The following ST18 variants were observed in gnomAD, a reference collection of about 807,000 sequenced individuals.
The protein encoded by ST18 is ST18 C2H2C-type zinc finger transcription factor.
In ST18, 50 loss-of-function variants were observed where a neutral mutation model predicts 110.0. The observed-to-expected ratio is 0.45, with a 90% CI of 0.36 to 0.58. ST18 has a LOEUF of 0.58. Ranked by LOEUF, ST18 falls within the 20% of genes least tolerant of loss-of-function variation. The pLI is 0.00. For missense variants in ST18, 1,306 were observed against 1,280.1 expected, an observed-to-expected ratio of 1.02 and a Z score of -0.31; for synonymous variants, 461 against 452.4, an observed-to-expected ratio of 1.02 and a Z score of -0.24.
chr8:52,175,282 A>C (rs1003406414), intron 9 of ST18, among the ~76,000 whole-genome samples: 3 of 152,154 alleles, frequency 2.0e-5, no homozygotes, highest in Non-Finnish European at 4.4e-5. Flanking sequence ...GATTCTATGC[A>C]ACCTTTATCA....
intron 16 of ST18, among the ~76,000 whole-genome samples, chr8:52,146,654 G>A (rs1005627501): frequency 7.2e-5 from 11 of 152,060 alleles, no homozygotes; most frequent in South Asian, 4.2e-4. Context: ...TTTATTGCAC[G>A]TGGTATCCCT....
intron 19 of ST18, among the ~76,000 whole-genome samples, chr8:52,136,131 A>C (rs533906068): frequency 5.3e-5 from 8 of 152,332 alleles, no homozygotes; most frequent in Non-Finnish European, 8.8e-5. Context: ...TGACTTTGAG[A>C]TCTTGTAGGT....
chr8:52,324,690 A>AT (rs1805505644), intron 2 of ST18, among the ~76,000 whole-genome samples: 2 of 152,214 alleles, frequency 1.3e-5, no homozygotes, highest in African/African-American at 4.8e-5. Flanking sequence ...TATAAGGTAC[A>AT]TATTATCAAT....
chr8:52,161,988 T>A (rs1015172497), intron 13 of ST18, among the ~76,000 whole-genome samples: 9 of 152,154 alleles, frequency 5.9e-5, no homozygotes, highest in African/African-American at 2.2e-4. Flanking sequence ...GGTGGGTGGA[T>A]CATCTGAGCT....
At position 52,132,816 on chromosome 8, in the gene ST18, T is replaced by C. The variant is rs867858472; in HGVS notation, c.2444+241A>G. 2.6e-5 allele frequency among the ~76,000 whole-genome samples: 4 copies of C among 152,186 alleles called. No homozygotes were observed. The South Asian group carries it at 8.3e-4, about 31-fold the overall frequency. Reference sequence around the variant, plus strand: ...ACAATAATACTTTCCTTTAAAACAATTGAGAAATGTATGAAACTGTTACTT... The same window carrying C: ...ACAATAATACTTTCCTTTAAAACAACTGAGAAATGTATGAAACTGTTACTT... On this transcript the variant is annotated intron_variant, in intron 21 of 25. Coordinates refer to ENST00000689386, the MANE Select transcript of ST18 (RefSeq NM_001352837.2).
At chr8:52,195,371 T>C (rs757659274) in intron 8 of ST18, among the ~76,000 whole-genome samples, 4 of 152,272 alleles carry the variant, frequency 2.6e-5, no homozygotes, top group Admixed American at 6.5e-5. Flanking sequence ...TACTTCAAAA[T>C]ACTTTCTTTT....
At chr8:52,152,101 C>T (rs961810683) in intron 15 of ST18, among the ~76,000 whole-genome samples, 2 of 152,216 alleles carry the variant, frequency 1.3e-5, no homozygotes, top group African/African-American at 2.4e-5. Context: ...CTGCATCCTG[C>T]GCCCAGCCTG....
intron 2 of ST18, among the ~76,000 whole-genome samples, chr8:52,334,213 T>C (rs1810989186): frequency 6.6e-6 from 1 of 152,250 alleles, no homozygotes; most frequent in African/African-American, 2.4e-5. Context: ...TTATCTCTAT[T>C]TGCTGCTTTC....
chr8:52,165,306 G>T, intron 11 of ST18, 81 bp from the exon 12 acceptor site: 2 of 1,381,872 alleles, frequency 1.4e-6, no homozygotes, highest in Non-Finnish European at 1.0e-6. Context: ...TCTCAACTTT[G>T]CATTTAAATG....
intron 2 of ST18, among the ~76,000 whole-genome samples, chr8:52,299,756 A>G (rs1344435754): frequency 2.6e-5 from 4 of 152,238 alleles, no homozygotes; most frequent in Non-Finnish European, 4.4e-5. Flanking sequence ...TTTCAACCGC[A>G]TAAGTGGTAT....
At chr8:52,158,752 C>T in intron 15 of ST18, 146 bp downstream of exon 15, 2 of 878,962 alleles carry the variant, frequency 2.3e-6, no homozygotes, top group African/African-American at 1.7e-5. Flanking sequence ...TGCCTGCGTT[C>T]CTCTGAGCCT....
chr8:52,180,083 C>G (rs1396001579), intron 9 of ST18, 39 bp downstream of exon 9: 16 of 1,602,606 alleles, frequency 1.0e-5, no homozygotes, highest in Non-Finnish European at 1.4e-5. Flanking sequence ...GTCCTTGGAG[C>G]CAGGGAGCAG....
chr8:52,186,812 T>C (rs780844101), intron 8 of ST18, among the ~76,000 whole-genome samples: 1 of 152,182 alleles, frequency 6.6e-6, no homozygotes, highest in Non-Finnish European at 1.5e-5. Flanking sequence ...AGTGCATACA[T>C]AATGTCCAAA....
chr8:52,296,138 T>G (rs1248266542), intron 2 of ST18, among the ~76,000 whole-genome samples: 2 of 152,130 alleles, frequency 1.3e-5, no homozygotes, highest in Admixed American at 6.5e-5. Flanking sequence ...AAAGAAATAG[T>G]GCAATGCTGG....
chr8:52,402,403 GCCAAGGACTGTGACT>G (rs1458930610), intron 2 of ST18, among the ~76,000 whole-genome samples: 1 of 152,142 alleles, frequency 6.6e-6, no homozygotes, highest in Admixed American at 6.5e-5. Flanking sequence ...CTCCCACCAA[GCCAAGGACTGTGACT>G]CTAAGGCATT....
intron 2 of ST18, among the ~76,000 whole-genome samples, chr8:52,367,234 TCTCACACACA>T (rs1432639559): frequency 2.9e-5 from 3 of 104,490 alleles, no homozygotes; most frequent in South Asian, 7.7e-4. Flanking sequence ...CGGGACCCTG[TCTCACACACA>T]CACACACACA....
At chr8:52,182,679 C>T (rs72641867) in intron 8 of ST18, among the ~76,000 whole-genome samples, 1 of 152,204 alleles carries the variant, frequency 6.6e-6, no homozygotes, top group Non-Finnish European at 1.5e-5. Flanking sequence ...CATAAAGTTT[C>T]AGTCAAGCAA....
At position 52,176,727 on chromosome 8, in the gene ST18, T is replaced by C. The variant is rs145626935; in HGVS notation, c.277+3395A>G. 1.5e-3 allele frequency among the ~76,000 whole-genome samples: 223 copies of C among 152,384 alleles called. 1 individual carries two copies. Among genetic ancestry groups the C allele is most frequent in the Non-Finnish European group, 2.5e-3 (170 of 68,032 alleles). ...ACATACTAATGAATCCCGGCATAGA[T>C]GTTGGCTGTTCTGCAAAGATACAAC... On this transcript the variant is annotated intron_variant, in intron 9 of 25. Coordinates refer to ENST00000689386, the MANE Select transcript of ST18 (RefSeq NM_001352837.2).
chr8:52,372,787 A>C (rs954978246), intron 2 of ST18, among the ~76,000 whole-genome samples: 1 of 152,214 alleles, frequency 6.6e-6, no homozygotes, highest in Non-Finnish European at 1.5e-5. Context: ...TGTTTGCACA[A>C]CGACGAAGTC....
Sources: gnomAD v4.1 joint callset for allele counts (sites outside exome capture counted in the v4.1 genomes callset) on GRCh38, gnomAD v4.1.1 for gene constraint, MANE v1.5 for transcripts, NCBI Gene and HGNC (gene_info 2026-07-23, HGNC 2026-07-21) for gene names.